Variants in ROBO2 observed in about 807,000 individuals in gnomAD.
The protein encoded by ROBO2 is roundabout homolog 2.
ROBO2 carries 53 observed loss-of-function variants against 160.8 expected under a neutral mutation model. The ratio of observed to expected loss-of-function variants is 0.33; its 90% CI spans 0.26 to 0.41. The LOEUF is 0.41. ROBO2 is among the 10% of genes least tolerant of loss of function. ROBO2 has a pLI of 1.00. For synonymous variants in ROBO2, 664 were observed against 611.7 expected, an observed-to-expected ratio of 1.09 and a Z score of -1.26; for missense variants, 1,577 against 1,722.4, an observed-to-expected ratio of 0.92 and a Z score of 1.49.
chr3:76,962,337 A>G (rs911247700), intron 2 of ROBO2, among the ~76,000 whole-genome samples: 11 of 151,870 alleles, frequency 7.2e-5, no homozygotes, highest in African/African-American at 2.4e-4. Flanking sequence ...CCATTAAAAA[A>G]ACAAACAAAC....
At chr3:76,309,299 G>GC (rs1209539421) in intron 2 of ROBO2, among the ~76,000 whole-genome samples, 1 of 152,168 alleles carries the variant, frequency 6.6e-6, no homozygotes, top group Non-Finnish European at 1.5e-5. Context: ...TTTTAAGTAT[G>GC]CAAAGACATG....
chr3:76,298,080 C>T (rs577631541), intron 2 of ROBO2, among the ~76,000 whole-genome samples: 1 of 152,232 alleles, frequency 6.6e-6, no homozygotes, highest in South Asian at 2.1e-4. Flanking sequence ...GGAATAAGAA[C>T]TCTGAAATAA....
At chr3:77,215,084 C>A (rs1299899335) in intron 2 of ROBO2, among the ~76,000 whole-genome samples, 5 of 152,156 alleles carry the variant, frequency 3.3e-5, no homozygotes, top group Non-Finnish European at 7.3e-5. Context: ...CAAGGAGTAT[C>A]TTTGTGGCGT....
intron 2 of ROBO2, among the ~76,000 whole-genome samples, chr3:76,139,701 C>A (rs917837989): frequency 2.6e-5 from 4 of 152,060 alleles, no homozygotes; most frequent in African/African-American, 9.7e-5. Context: ...TAGAATACAT[C>A]TTGAAATATA....
intron 2 of ROBO2, among the ~76,000 whole-genome samples, chr3:77,226,249 A>G (rs941452593): frequency 6.6e-6 from 1 of 152,084 alleles, no homozygotes; most frequent in Admixed American, 6.6e-5. Flanking sequence ...CTGTCCTAGT[A>G]AAATAAGATG....
chr3:75,940,110 T>C (rs1048020723), intron 2 of ROBO2, among the ~76,000 whole-genome samples: 10 of 152,202 alleles, frequency 6.6e-5, no homozygotes, highest in African/African-American at 2.4e-4. Context: ...AACCTCTTCA[T>C]ATTTATGAAT....
At chr3:76,407,591 A>T (rs1204900538) in intron 2 of ROBO2, among the ~76,000 whole-genome samples, 2 of 152,018 alleles carry the variant, frequency 1.3e-5, no homozygotes, top group African/African-American at 4.8e-5. Flanking sequence ...AGAGCCATGG[A>T]GAGCAATAGG....
rs1477635182 is a variant in ROBO2, at chr3:76,418,411, T to C, written c.109+480809T>C. Among the ~76,000 whole-genome samples, 4 of 150,916 alleles carry C rather than the reference T, an allele frequency of 2.7e-5. No homozygotes were observed. In the East Asian group the frequency reaches 7.7e-4, roughly 29 times the overall value. The stretch of plus-strand genomic sequence containing the variant: ...GAATGCCACCATATCCAGCTAATTG[T>C]TGTATTTTTAGTAGAGACAGGGTTT... On this transcript the variant is annotated intron_variant, in intron 2 of 26. Transcript: ENST00000487694.
chr3:76,345,419 G>T, intron 2 of ROBO2, among the ~76,000 whole-genome samples: 1 of 64,574 alleles, frequency 1.5e-5, no homozygotes, highest in East Asian at 2.9e-4. Context: ...AGAGTAGGCA[G>T]GATATCTTTT....
intron 1 of ROBO2, among the ~76,000 whole-genome samples, chr3:75,929,169 A>G (rs1299277877): frequency 1.1e-3 from 107 of 100,436 alleles, no homozygotes; most frequent in Non-Finnish European, 1.5e-3. Flanking sequence ...CAGCTGGATA[A>G]GACGTGTGTG....
chr3:76,892,643 C>G (rs1003895904), intron 2 of ROBO2, among the ~76,000 whole-genome samples: 4 of 152,148 alleles, frequency 2.6e-5, no homozygotes, highest in Admixed American at 2.0e-4. Flanking sequence ...CCCTACATAT[C>G]TACCAAAAAT....
chr3:76,169,841 G>A (rs1005817213), intron 2 of ROBO2, among the ~76,000 whole-genome samples: 18 of 152,052 alleles, frequency 1.2e-4, no homozygotes, highest in Admixed American at 6.5e-4. Flanking sequence ...GAGTGCAGTG[G>A]CATGAACTCA....
At chr3:76,955,968 A>T (rs2079225870) in intron 2 of ROBO2, among the ~76,000 whole-genome samples, 1 of 152,130 alleles carries the variant, frequency 6.6e-6, no homozygotes, top group Admixed American at 6.5e-5. Flanking sequence ...ACTCAGTGGA[A>T]TGTGGCCTTA....
intron 2 of ROBO2, among the ~76,000 whole-genome samples, chr3:76,054,273 A>G (rs2067757997): frequency 6.6e-6 from 1 of 152,142 alleles, no homozygotes; most frequent in South Asian, 2.1e-4. Flanking sequence ...AAAATATTTT[A>G]TCTGAATTTA....
intron 8 of ROBO2, among the ~76,000 whole-genome samples, chr3:77,556,765 TC>T (rs1440497688): frequency 6.6e-6 from 1 of 151,950 alleles, no homozygotes; most frequent in Non-Finnish European, 1.5e-5. Flanking sequence ...AATCCATCAT[TC>T]ATTTTTTCTT....
intron 2 of ROBO2, among the ~76,000 whole-genome samples, chr3:76,138,023 T>C (rs2071493666): frequency 6.6e-6 from 1 of 152,112 alleles, no homozygotes. Context: ...TACTTAGACA[T>C]CATGGGGACA....
At chr3:76,471,039 A>G (rs1193823172) in intron 2 of ROBO2, among the ~76,000 whole-genome samples, 1 of 149,834 alleles carries the variant, frequency 6.7e-6, no homozygotes, top group East Asian at 1.9e-4. Context: ...AACTTTATTC[A>G]TTCTTTACAA....
chr3:76,804,735 A>G (rs981345334), intron 2 of ROBO2, among the ~76,000 whole-genome samples: 2 of 152,200 alleles, frequency 1.3e-5, no homozygotes, highest in African/African-American at 2.4e-5. Flanking sequence ...CTGTTCTGAC[A>G]AATAAATAAT....
chr3:76,534,194 A>C (rs1174731637), intron 2 of ROBO2, among the ~76,000 whole-genome samples: 1 of 152,054 alleles, frequency 6.6e-6, no homozygotes, highest in East Asian at 1.9e-4. Flanking sequence ...CTTAAAGAAA[A>C]TTTTAAAATG....
Sources: gnomAD v4.1 joint callset for allele counts (sites outside exome capture counted in the v4.1 genomes callset) on GRCh38, gnomAD v4.1.1 for gene constraint, MANE v1.5 for transcripts, NCBI Gene and HGNC (gene_info 2026-07-23, HGNC 2026-07-21) for gene names.